Variants in PPM1E observed in about 807,000 individuals in gnomAD.
PPM1E encodes protein phosphatase, Mg2+/Mn2+ dependent 1E.
In PPM1E, 20 loss-of-function variants were observed where a neutral mutation model predicts 65.9. That is an observed-to-expected ratio of 0.30 (90% confidence interval 0.21 to 0.44). PPM1E has a LOEUF of 0.44. PPM1E is among the 20% of genes least tolerant of loss of function. PPM1E has a pLI of 1.00. For synonymous variants in PPM1E, 352 were observed against 374.9 expected, an observed-to-expected ratio of 0.94 and a Z score of 0.70; for missense variants, 713 against 953.1, an observed-to-expected ratio of 0.75 and a Z score of 3.32.
At chr17:58,815,722 C>T (rs775833992) in intron 1 of PPM1E, among the ~76,000 whole-genome samples, 1 of 152,076 alleles carries the variant, frequency 6.6e-6, no homozygotes, top group Non-Finnish European at 1.5e-5. Flanking sequence ...GAATAACAAA[C>T]TAATTGCAAG....
intron 4 of PPM1E, 129 bp from the exon 5 acceptor site, chr17:58,972,003 T>C: frequency 1.2e-6 from 1 of 836,224 alleles, no homozygotes; most frequent in Non-Finnish European, 1.8e-6. Flanking sequence ...TGAATTATTA[T>C]ATATGTGTGA....
At chr17:58,912,670 T>C (rs1205003759) in intron 1 of PPM1E, among the ~76,000 whole-genome samples, 1 of 152,238 alleles carries the variant, frequency 6.6e-6, no homozygotes, top group African/African-American at 2.4e-5. Context: ...TTTTGTATGA[T>C]AATGAGACGA....
chr17:58,781,537 G>A (rs773509748), intron 1 of PPM1E, among the ~76,000 whole-genome samples: 8 of 151,954 alleles, frequency 5.3e-5, no homozygotes, highest in Non-Finnish European at 8.8e-5. Context: ...TGACATTTTC[G>A]TCTTAGATTG....
At chr17:58,804,160 T>G (rs939425205) in intron 1 of PPM1E, among the ~76,000 whole-genome samples, 3 of 152,170 alleles carry the variant, frequency 2.0e-5, no homozygotes, top group African/African-American at 7.2e-5. Context: ...ACTCCTGGCC[T>G]CAAGCAGTCC....
intron 1 of PPM1E, among the ~76,000 whole-genome samples, chr17:58,788,268 C>A (rs988516283): frequency 6.6e-6 from 1 of 152,110 alleles, no homozygotes; most frequent in African/African-American, 2.4e-5. Flanking sequence ...CAAGGCTGAT[C>A]TCGTACTCTT....
intron 1 of PPM1E, among the ~76,000 whole-genome samples, chr17:58,887,313 C>T (rs968102626): frequency 2.6e-5 from 4 of 151,850 alleles, no homozygotes; most frequent in South Asian, 2.1e-4. Context: ...TACAGGCATG[C>T]GCCACCATGC....
intron 1 of PPM1E, among the ~76,000 whole-genome samples, chr17:58,805,029 C>G (rs2050292210): frequency 6.6e-6 from 1 of 152,104 alleles, no homozygotes; most frequent in African/African-American, 2.4e-5. Context: ...CCTCCCACCC[C>G]CCACCATACC....
intron 1 of PPM1E, among the ~76,000 whole-genome samples, chr17:58,799,466 G>A (rs979243248): frequency 6.7e-6 from 1 of 148,242 alleles, no homozygotes; most frequent in African/African-American, 2.5e-5. Flanking sequence ...TTTTTGAAAT[G>A]GAGTCTTGCT....
chr17:58,869,252 G>GT (rs1254724431), intron 1 of PPM1E, among the ~76,000 whole-genome samples: 8 of 152,136 alleles, frequency 5.3e-5, no homozygotes. Flanking sequence ...ATTTTTTAAT[G>GT]TTTTTTCCCC....
chr17:58,938,491 T>C (rs1479523422), intron 1 of PPM1E, among the ~76,000 whole-genome samples: 1 of 152,200 alleles, frequency 6.6e-6, no homozygotes, highest in Non-Finnish European at 1.5e-5. Context: ...TCTTCATATA[T>C]ATATGTTTTT....
chr17:58,962,721 C>A (rs1343933077), intron 2 of PPM1E, among the ~76,000 whole-genome samples: 5 of 152,168 alleles, frequency 3.3e-5, no homozygotes, highest in Admixed American at 3.3e-4. Context: ...TATACCTCCA[C>A]AGGCTGTCTT....
intron 1 of PPM1E, among the ~76,000 whole-genome samples, chr17:58,875,656 C>A (rs1166802111): frequency 6.6e-6 from 1 of 152,116 alleles, no homozygotes; most frequent in East Asian, 1.9e-4. Flanking sequence ...TAATAAAATC[C>A]TATGCATCTT....
chr17:58,806,331 G>A (rs1248487117), intron 1 of PPM1E, among the ~76,000 whole-genome samples: 1 of 151,844 alleles, frequency 6.6e-6, no homozygotes, highest in East Asian at 1.9e-4. Flanking sequence ...AGAAGGGTAA[G>A]CTATGTGGGA....
intron 2 of PPM1E, among the ~76,000 whole-genome samples, chr17:58,961,349 C>T (rs942159967): frequency 1.3e-5 from 2 of 152,036 alleles, no homozygotes; most frequent in Non-Finnish European, 2.9e-5. Flanking sequence ...TTGTCAAGGG[C>T]AATTAAGACA....
At chr17:58,789,379 A>G (rs1315446147) in intron 1 of PPM1E, among the ~76,000 whole-genome samples, 2 of 152,100 alleles carry the variant, frequency 1.3e-5, no homozygotes, top group African/African-American at 4.8e-5. Flanking sequence ...CCTTTGAAAC[A>G]TGTCTCAGAT....
At chr17:58,862,480 C>G (rs574575803) in intron 1 of PPM1E, among the ~76,000 whole-genome samples, 1 of 152,286 alleles carries the variant, frequency 6.6e-6, no homozygotes, top group African/African-American at 2.4e-5. Flanking sequence ...ACTGCTAATG[C>G]TGTTGCTCTT....
chr17:58,976,599 A>G (rs1374434112), intron 6 of PPM1E, among the ~76,000 whole-genome samples: 2 of 152,210 alleles, frequency 1.3e-5, no homozygotes, highest in Admixed American at 6.5e-5. Context: ...CAGAGGCATG[A>G]TATGTTTCCT....
At chr17:58,917,800 C>G (rs2051702243) in intron 1 of PPM1E, among the ~76,000 whole-genome samples, 2 of 151,980 alleles carry the variant, frequency 1.3e-5, no homozygotes, top group Admixed American at 6.6e-5. Flanking sequence ...TTAGTTTTGT[C>G]ATTTTTCATT....
At chr17:58,964,610 T>C (rs1006064684) in intron 2 of PPM1E, among the ~76,000 whole-genome samples, 3 of 152,182 alleles carry the variant, frequency 2.0e-5, no homozygotes, top group Non-Finnish European at 4.4e-5. Context: ...TCTCTGTCTT[T>C]TTCTATCTAG....
Sources: allele counts gnomAD v4.1 joint callset (sites outside exome capture counted in the v4.1 genomes callset), GRCh38; gene constraint gnomAD v4.1.1; transcripts MANE v1.5; gene names NCBI Gene and HGNC (gene_info 2026-07-23, HGNC 2026-07-21).